TAOK1: variants seen among roughly 807,000 people sequenced by gnomAD.
TAOK1 encodes the protein serine/threonine-protein kinase TAO1.
Under a neutral mutation model 138.3 loss-of-function variants are expected in TAOK1, and 21 were observed. The observed-to-expected ratio is 0.15, with a 90% confidence interval of 0.11 to 0.22. The LOEUF (loss-of-function observed/expected upper bound fraction) is 0.22. Ranked by LOEUF, TAOK1 falls within the 10% of genes least tolerant of loss-of-function variation. The probability of loss-of-function intolerance (pLI) is 1.00; values close to 1 mark genes in which losing one functional copy is unlikely to be tolerated. For missense variants in TAOK1, 651 were observed against 1,227.7 expected (o/e 0.53, Z 7.02); for synonymous variants, 361 against 398.4 (o/e 0.91, Z 1.12).
intron 18 of TAOK1, among the ~76,000 whole-genome samples, chr17:29,532,779 C>G (rs1352823965): frequency 1.3e-5 from 2 of 152,100 alleles, no homozygotes; most frequent in African/African-American, 4.8e-5. Context: ...TCCGATTTCT[C>G]AATCTTTTCC....
At chr17:29,460,123 A>G (rs746203128) in intron 2 of TAOK1, among the ~76,000 whole-genome samples, 7 of 152,376 alleles carry the variant, frequency 4.6e-5, no homozygotes, top group Non-Finnish European at 1.0e-4. Context: ...CATCTTGGCA[A>G]AATATCAATG....
At chr17:29,437,201 C>G (rs1362501316) in intron 1 of TAOK1, among the ~76,000 whole-genome samples, 1 of 151,804 alleles carries the variant, frequency 6.6e-6, no homozygotes, top group Non-Finnish European at 1.5e-5. Context: ...CTAGCTGGGA[C>G]TACAGGTGCC....
chr17:29,493,145 AAAAG>A (rs773222607), intron 10 of TAOK1, among the ~76,000 whole-genome samples: 9 of 152,012 alleles, frequency 5.9e-5, no homozygotes, highest in African/African-American at 9.7e-5. Flanking sequence ...GTCTCCAAAA[AAAAG>A]AAAGAAAGAA....
At chr17:29,403,018 G>A (rs567242680) in intron 1 of TAOK1, among the ~76,000 whole-genome samples, 1 of 151,364 alleles carries the variant, frequency 6.6e-6, no homozygotes, top group Non-Finnish European at 1.5e-5. Context: ...AAAATTAGCC[G>A]TGCATGGTGG....
chr17:29,429,131 A>G (rs536162040), intron 1 of TAOK1, among the ~76,000 whole-genome samples: 1 of 152,234 alleles, frequency 6.6e-6, no homozygotes, highest in East Asian at 1.9e-4. Flanking sequence ...GGGTATTCTT[A>G]TGGAAGCAGA....
chr17:29,427,573 A>G (rs1471476467), intron 1 of TAOK1, among the ~76,000 whole-genome samples: 1 of 150,530 alleles, frequency 6.6e-6, no homozygotes, highest in Non-Finnish European at 1.5e-5. Flanking sequence ...ATCTTATTTG[A>G]GTTAGGAGTG....
At position 29,397,832 on chromosome 17, in the gene TAOK1, T is replaced by C. The variant is rs557370863; in HGVS notation, c.-95+6808T>C. On this transcript the variant is annotated intron_variant, in intron 1 of 19. Coordinates refer to ENST00000261716, the MANE Select transcript of TAOK1 (RefSeq NM_020791.4). ...GTATATATGTATATACATGTATATA[T>C]ATGTGTATATATATATATGTATGTC... is the stretch of plus-strand genomic sequence containing the variant. Among the ~76,000 whole-genome samples, 1,197 of 151,286 alleles carry C rather than the reference T, an allele frequency of 7.9e-3. 22 individuals carry two copies. The highest frequency in any genetic ancestry group is 0.027 in the African/African-American group (1,129 of 41,318).
intron 1 of TAOK1, among the ~76,000 whole-genome samples, chr17:29,422,172 C>G (rs1905467890): frequency 6.6e-6 from 1 of 151,496 alleles, no homozygotes. Flanking sequence ...GCTGGGATTA[C>G]AGGCATGAGC....
chr17:29,394,465 A>G (rs1185168166), intron 1 of TAOK1, among the ~76,000 whole-genome samples: 1 of 152,052 alleles, frequency 6.6e-6, no homozygotes, highest in African/African-American at 2.4e-5. Flanking sequence ...GTGCCCGGCA[A>G]ATTTGCCAGT....
At chr17:29,472,721 T>C (rs2030852117) in intron 3 of TAOK1, among the ~76,000 whole-genome samples, 1 of 151,914 alleles carries the variant, frequency 6.6e-6, no homozygotes, top group African/African-American at 2.4e-5. Context: ...ATTACAGTCA[T>C]GCACCACCAC....
intron 1 of TAOK1, among the ~76,000 whole-genome samples, chr17:29,424,436 C>CAAA (rs781589064): frequency 1.4e-3 from 101 of 71,684 alleles, no homozygotes; most frequent in East Asian, 4.1e-3. Context: ...GACTCCCTCT[C>CAAA]AAAAAAAAAA....
intron 1 of TAOK1, among the ~76,000 whole-genome samples, chr17:29,403,503 G>C (rs545044434): frequency 6.6e-6 from 1 of 152,276 alleles, no homozygotes; most frequent in East Asian, 1.9e-4. Flanking sequence ...TTGTTGTACA[G>C]AAACTTTGTA....
intron 15 of TAOK1, among the ~76,000 whole-genome samples, chr17:29,515,622 T>C (rs1009857681): frequency 7.2e-5 from 11 of 151,986 alleles, no homozygotes; most frequent in African/African-American, 2.7e-4. Flanking sequence ...GATCACAGGG[T>C]CAGGAGATCG....
intron 10 of TAOK1, among the ~76,000 whole-genome samples, chr17:29,494,051 G>T (rs1455985354): frequency 1.3e-5 from 2 of 151,918 alleles, no homozygotes; most frequent in Admixed American, 6.6e-5. Flanking sequence ...CGAGTAGCTG[G>T]GATTACAGGC....
intron 6 of TAOK1, among the ~76,000 whole-genome samples, chr17:29,479,594 T>TA (rs1222069857): frequency 2.6e-5 from 4 of 152,186 alleles, no homozygotes; most frequent in Non-Finnish European, 4.4e-5. Flanking sequence ...CCTCTCCATT[T>TA]AAAAAAAATC....
chr17:29,510,624 A>AT (rs1489553577), intron 14 of TAOK1, among the ~76,000 whole-genome samples: 2 of 152,186 alleles, frequency 1.3e-5, no homozygotes, highest in African/African-American at 4.8e-5. Flanking sequence ...AGTTGACAAC[A>AT]TTTTTGACCC....
intron 1 of TAOK1, among the ~76,000 whole-genome samples, chr17:29,449,539 T>C (rs1255777413): frequency 6.6e-6 from 1 of 152,158 alleles, no homozygotes; most frequent in African/African-American, 2.4e-5. Context: ...TTTTTTTCTC[T>C]TAAAAGTCTG....
chr17:29,502,208 A>C (rs1206796798), intron 12 of TAOK1, among the ~76,000 whole-genome samples: 1 of 152,120 alleles, frequency 6.6e-6, no homozygotes, highest in Non-Finnish European at 1.5e-5. Context: ...CCAAGGAGGG[A>C]GGATTGCTTG....
At chr17:29,453,909 G>A (rs2030309469) in intron 2 of TAOK1, among the ~76,000 whole-genome samples, 1 of 151,126 alleles carries the variant, frequency 6.6e-6, no homozygotes, top group African/African-American at 2.4e-5. Flanking sequence ...CGTGGGCTCA[G>A]GTGTTCCTCC....
Sources: gnomAD v4.1 joint callset for allele counts (sites outside exome capture counted in the v4.1 genomes callset) on GRCh38, gnomAD v4.1.1 for gene constraint, MANE v1.5 for transcripts, NCBI Gene and HGNC (gene_info 2026-07-23, HGNC 2026-07-21) for gene names.